The following CCDC85C variants were observed in gnomAD, a reference collection of about 807,000 sequenced individuals.
CCDC85C encodes the protein coiled-coil domain-containing protein 85C.
A neutral mutation model predicts 38.3 loss-of-function variants in CCDC85C; 18 were observed. The ratio of observed to expected loss-of-function variants is 0.47; its 90% CI spans 0.33 to 0.70. The LOEUF is 0.70. CCDC85C is among the 30% of genes least tolerant of loss of function. CCDC85C has a pLI of 0.03. For synonymous variants in CCDC85C, 264 were observed against 293.8 expected (o/e 0.90, Z 1.04); for missense variants, 566 against 621.2 (o/e 0.91, Z 0.94).
chr14:99,502,985 G>A lies in CCDC85C; in HGVS notation c.*12261C>T. On this transcript the variant is annotated 3_prime_UTR_variant, in exon 6 of 6. Transcript: ENST00000380243. ...TCCCCGACAGGTTAAGCGAGCCGTG[G>A]TGAGTGGGCTAAAGCAGGCCCTGGG... 1.9e-6 allele frequency: 3 copies of A among 1,614,004 alleles called. No individual in the cohort carries two copies. The highest frequency in any genetic ancestry group is 2.5e-6 in the Non-Finnish European group (3 of 1,179,896).
rs1896958894 is a variant in CCDC85C, at chr14:99,505,784, T to C, written c.*9462A>G. 2 of 152,042 alleles carry C rather than the reference T, an allele frequency of 1.3e-5. No individual in the cohort carries two copies. The highest frequency in any genetic ancestry group is 4.8e-5 in the African/African-American group (2 of 41,396). The allele number at this position is 152,042 out of a possible 1,614,324, so 9.4% of individuals were successfully genotyped here. On this transcript the variant is annotated 3_prime_UTR_variant, in exon 6 of 6. Transcript: ENST00000380243. ...AGGCAGCAAGATCACTTGAGCCTGG[T>C]TGGTTGAAGCTGCAGTGAGCCATGA...
Position 99,603,941 on chromosome 14 carries a change from T to C in CCDC85C, c.19A>G (p.Thr7Ala), listed in dbSNP as rs1366750011. The C allele has an allele frequency of 7.1e-7, 1 of 1,407,200 alleles. No individual in the cohort carries two copies. Among genetic ancestry groups the C allele is most frequent in the Admixed American group, 2.9e-5 (1 of 34,130 alleles). 87.2% of individuals were successfully genotyped at this position (1,407,200 alleles called of 1,614,324 possible). The change falls in exon 1 of 6, where the codon ACG becomes GCG. Residue 7 changes from threonine (T) to alanine (A), a missense_variant. Around this residue, in one of 3 missense-constraint regions of CCDC85C, gnomAD observed 269 missense variants for 308.2 expected, o/e 0.87. Coordinates refer to ENST00000380243, the MANE Select transcript of CCDC85C (RefSeq NM_001144995.2). The surrounding 1 kb of genome is among the most constrained non-coding windows in gnomAD (Gnocchi z 7.5). ...AGCTCCTCCGACGCCGCCGCCGCCG[T>C]CGCCGCGGGCTTAGCCATGGCGGGG... MAKPAATAAAASEELSQ... is the reference protein window; with the variant it reads MAKPAAAAAAASEELSQ...
At position 99,515,213 on chromosome 14, in the gene CCDC85C, G is replaced by C; in HGVS notation, c.*33C>G. 2 of 1,510,072 alleles carry C rather than the reference G, an allele frequency of 1.3e-6. No homozygotes were observed. Among genetic ancestry groups the C allele is most frequent in the Non-Finnish European group, 1.8e-6 (2 of 1,112,698 alleles). 93.5% of individuals were successfully genotyped at this position (1,510,072 alleles called of 1,614,324 possible). On this transcript the variant is annotated 3_prime_UTR_variant, in exon 6 of 6. Coordinates refer to ENST00000380243, the MANE Select transcript of CCDC85C (RefSeq NM_001144995.2). Reference sequence around the variant, plus strand: ...CTGAAACTCCCCCTGGGGACCCCCAGCAGGGCCAGTCCACGTCCACAGAAG... The same window carrying C: ...CTGAAACTCCCCCTGGGGACCCCCACCAGGGCCAGTCCACGTCCACAGAAG...
Position 99,572,756 on chromosome 14 carries a change from C to A in CCDC85C, c.793+30411G>T, listed in dbSNP as rs778260320. On this transcript the variant is annotated intron_variant, in intron 1 of 5. Transcript: ENST00000380243. The surrounding 1 kb of genome is among the most constrained non-coding windows in gnomAD (Gnocchi z 4.4). ...ACTGTCCCATCCATGGATTTGTTTG[C>A]CAGTTTATCCATCTTCCAAAGGAGA... 15 of 455,940 alleles carry A rather than the reference C, an allele frequency of 3.3e-5. No homozygotes were observed. The highest frequency in any genetic ancestry group is 6.2e-5 in the Non-Finnish European group (14 of 226,818). The allele number at this position is 455,940 out of a possible 1,614,324, so 28.2% of individuals were successfully genotyped here. A position where few individuals can be genotyped will look rare whatever the true frequency, so the allele number is the denominator to read the frequency against.
At chr14:99,532,826 G>A (rs541867861) in intron 2 of CCDC85C, among the ~76,000 whole-genome samples, 1 of 149,038 alleles carries the variant, frequency 6.7e-6, no homozygotes, top group African/African-American at 2.5e-5. Context: ...CTGTTTCCCG[G>A]GTTGGAGTGC....
Position 99,572,701 on chromosome 14 carries a change from T to G in CCDC85C, c.793+30466A>C. The stretch of plus-strand genomic sequence containing the variant: ...GCCTCCCCTGCCACCATCTGTTTTC[T>G]GCTCTTCCTAGCACTCACCAGGATA... On this transcript the variant is annotated intron_variant, in intron 1 of 5. Coordinates refer to ENST00000380243, the MANE Select transcript of CCDC85C (RefSeq NM_001144995.2). This position sits in a 1 kb window ranked among gnomAD's most constrained non-coding sequence, Gnocchi z 4.4. 6.6e-6 allele frequency: 3 copies of G among 456,080 alleles called. No individual in the cohort carries two copies. The highest frequency in any genetic ancestry group is 1.5e-5 in the South Asian group (1 of 64,562). 28.3% of individuals were successfully genotyped at this position (456,080 alleles called of 1,614,324 possible).
intron 1 of CCDC85C, among the ~76,000 whole-genome samples, chr14:99,560,682 C>T (rs1397848770): frequency 4.6e-5 from 7 of 152,222 alleles, no homozygotes; most frequent in Admixed American, 6.5e-5. Flanking sequence ...ACTCAATGCA[C>T]GCCTCCTCCC....
chr14:99,591,432 G>GGCTC (rs2055085128), intron 1 of CCDC85C, among the ~76,000 whole-genome samples: 9 of 152,094 alleles, frequency 5.9e-5, no homozygotes, highest in East Asian at 1.9e-4. Flanking sequence ...TGCGGAGGCT[G>GGCTC]CCACGGCTCC....
chr14:99,566,266 C>CCA (rs1292345103), intron 1 of CCDC85C, among the ~76,000 whole-genome samples: 1 of 152,234 alleles, frequency 6.6e-6, no homozygotes, highest in African/African-American at 2.4e-5. Flanking sequence ...ATGTGCCAGG[C>CCA]ACAGGGCCAA....
At chr14:99,585,279 C>T (rs2055014459) in intron 1 of CCDC85C, among the ~76,000 whole-genome samples, 1 of 152,146 alleles carries the variant, frequency 6.6e-6, no homozygotes, top group South Asian at 2.1e-4. Flanking sequence ...CTACAATAAA[C>T]AGGAAATAGT....
chr14:99,549,686 C>T (rs1412293056), intron 1 of CCDC85C, among the ~76,000 whole-genome samples: 2 of 152,316 alleles, frequency 1.3e-5, no homozygotes, highest in Non-Finnish European at 2.9e-5. Context: ...CGGTTAGAAG[C>T]GAGATAGACT....
intron 1 of CCDC85C, among the ~76,000 whole-genome samples, chr14:99,543,986 C>G (rs1022244002): frequency 1.3e-5 from 2 of 152,120 alleles, no homozygotes; most frequent in Admixed American, 1.3e-4. Context: ...GTGCCCTGGG[C>G]GTGGAAAAGA....
Position 99,576,540 on chromosome 14 carries a change from G to C in CCDC85C, c.793+26627C>G, listed in dbSNP as rs1898480726. ...CCACACCAGTGGGACCTGCCTCGCT[G>C]GTCCAGCAGCTTAGCTGAGAACCTG... On this transcript the variant is annotated intron_variant, in intron 1 of 5. Transcript: ENST00000380243. The surrounding 1 kb of genome is among the most constrained non-coding windows in gnomAD (Gnocchi z 4.8). The C allele has an allele frequency of 6.6e-6, 1 of 152,280 alleles. No homozygotes were observed. Among genetic ancestry groups the C allele is most frequent in the Non-Finnish European group, 1.5e-5 (1 of 68,118 alleles). The allele number at this position is 152,280 out of a possible 1,614,324, so 9.4% of individuals were successfully genotyped here. A position where few individuals can be genotyped will look rare whatever the true frequency, so the allele number is the denominator to read the frequency against.
chr14:99,506,900 G>T lies in CCDC85C; in HGVS notation c.*8346C>A. 1.7e-6 allele frequency: 1 copy of T among 588,758 alleles called. No homozygotes were observed. Among genetic ancestry groups the T allele is most frequent in the South Asian group, 2.0e-5 (1 of 50,436 alleles). The allele number at this position is 588,758 out of a possible 1,614,324, so 36.5% of individuals were successfully genotyped here. On this transcript the variant is annotated 3_prime_UTR_variant, in exon 6 of 6. Transcript: ENST00000380243. ...TTTGGAGGGAGGTGGCATTTAATTT[G>T]TTAACAGGATTCATGCATAATGGTT... is the stretch of plus-strand genomic sequence containing the variant.
intron 2 of CCDC85C, among the ~76,000 whole-genome samples, chr14:99,526,575 C>T (rs1321980817): frequency 6.6e-6 from 1 of 152,068 alleles, no homozygotes; most frequent in Non-Finnish European, 1.5e-5. Flanking sequence ...GTCCCCAAGA[C>T]CTGGCGACCT....
At position 99,516,889 on chromosome 14, in the gene CCDC85C, C is replaced by G. The variant is rs2139896301; in HGVS notation, c.1071+199G>C. Reference sequence around the variant, plus strand: ...GTTAGGTGCAGTAGCTCAGGGATGGCAGACAGGTGACACACTTATGACTGC... The same window carrying G: ...GTTAGGTGCAGTAGCTCAGGGATGGGAGACAGGTGACACACTTATGACTGC... On this transcript the variant is annotated intron_variant, in intron 4 of 5. Coordinates refer to ENST00000380243, the MANE Select transcript of CCDC85C (RefSeq NM_001144995.2). This position sits in a 1 kb window ranked among gnomAD's most constrained non-coding sequence, Gnocchi z 5.5. Among the ~76,000 whole-genome samples, 1 of 152,222 alleles carries G rather than the reference C, an allele frequency of 6.6e-6. No individual in the cohort carries two copies. The highest frequency in any genetic ancestry group is 3.4e-3 in the Middle Eastern group (1 of 294).
At chr14:99,584,195 C>G (rs1383277923) in intron 1 of CCDC85C, among the ~76,000 whole-genome samples, 1 of 152,104 alleles carries the variant, frequency 6.6e-6, no homozygotes, top group East Asian at 1.9e-4. Flanking sequence ...GCCTGACTTA[C>G]TTTTGCAACT....
Position 99,572,023 on chromosome 14 carries a change from C to CA in CCDC85C, c.793+31143dup, listed in dbSNP as rs1355063004. On this transcript the variant is annotated intron_variant, in intron 1 of 5. Coordinates refer to ENST00000380243, the MANE Select transcript of CCDC85C (RefSeq NM_001144995.2). This position sits in a 1 kb window ranked among gnomAD's most constrained non-coding sequence, Gnocchi z 4.4. ...CCAAGGAGCTGGAGACTGCCTGCAG[C>CA]AGGCACCCTTCCACGGGGCATCTCA... Among the ~76,000 whole-genome samples the CA allele has an allele frequency of 6.6e-6, 1 of 152,198 alleles. No homozygotes were observed. Among genetic ancestry groups the CA allele is most frequent in the African/African-American group, 2.4e-5 (1 of 41,438 alleles).
At chr14:99,552,647 G>A (rs1301987532) in intron 1 of CCDC85C, among the ~76,000 whole-genome samples, 1 of 152,108 alleles carries the variant, frequency 6.6e-6, no homozygotes, top group East Asian at 1.9e-4. Flanking sequence ...TGTGGGAGGG[G>A]TTGCCAAGCC....
Sources: gnomAD v4.1 joint callset for allele counts (sites outside exome capture counted in the v4.1 genomes callset) on GRCh38, gnomAD v4.1.1 for gene constraint, gnomAD v4.1.1 regional missense constraint, Gnocchi (gnomAD v3.1) non-coding constraint, MANE v1.5 for transcripts, NCBI Gene and HGNC (gene_info 2026-07-23, HGNC 2026-07-21) for gene names.